Variants in PIAS1 observed in about 807,000 individuals in gnomAD.
PIAS1 encodes protein inhibitor of activated STAT 1.
PIAS1 carries 6 observed loss-of-function variants against 71.3 expected under a neutral mutation model. The observed-to-expected ratio is 0.08, with a 90% confidence interval of 0.05 to 0.17. The LOEUF (loss-of-function observed/expected upper bound fraction) is 0.17, where lower values mean the gene tolerates loss of function less well. PIAS1 is among the 10% of genes least tolerant of loss of function. The pLI is 1.00. For synonymous variants in PIAS1, 303 were observed against 292.9 expected, an observed-to-expected ratio of 1.03 and a Z score of -0.35; for missense variants, 555 against 793.6, an observed-to-expected ratio of 0.70 and a Z score of 3.61.
At chr15:68,145,970 A>T in intron 5 of PIAS1, 64 bp downstream of exon 5, 1 of 935,636 alleles carries the variant, frequency 1.1e-6, no homozygotes, top group Non-Finnish European at 1.8e-6. Context: ...AGTCATCACA[A>T]CTGTTGTTAA....
Position 68,139,714 on chromosome 15 carries a change from T to A in PIAS1, c.470-2232T>A, listed in dbSNP as rs1206480978. Among the ~76,000 whole-genome samples the A allele has an allele frequency of 1.8e-4, 28 of 152,230 alleles. 1 individual carries two copies. ...ATTTTATATAACATTTTAGTTTTTT[T>A]ATAAATTAGATTTCAGGTTTTATGT... On this transcript the variant is annotated intron_variant, in intron 2 of 13. Transcript: ENST00000249636.
At chr15:68,061,708 A>G (rs1444670888) in intron 1 of PIAS1, among the ~76,000 whole-genome samples, 1 of 152,190 alleles carries the variant, frequency 6.6e-6, no homozygotes, top group African/African-American at 2.4e-5. Context: ...TAATTTCACC[A>G]AAACACTCCT....
At chr15:68,077,199 C>T (rs927941851) in intron 1 of PIAS1, among the ~76,000 whole-genome samples, 2 of 152,162 alleles carry the variant, frequency 1.3e-5, no homozygotes, top group African/African-American at 4.8e-5. Context: ...CCATACATCC[C>T]CTCTTGTCCA....
intron 7 of PIAS1, among the ~76,000 whole-genome samples, chr15:68,162,103 A>G (rs915749154): frequency 2.0e-5 from 3 of 151,944 alleles, no homozygotes; most frequent in African/African-American, 4.8e-5. Context: ...GTGAGGTACT[A>G]TTATTGTTCC....
chr15:68,095,309 C>T (rs2092364907), intron 2 of PIAS1, among the ~76,000 whole-genome samples: 1 of 152,010 alleles, frequency 6.6e-6, no homozygotes, highest in African/African-American at 2.4e-5. Flanking sequence ...GTGCTTCGCT[C>T]AGCCTCCTGT....
In PIAS1 at chr15:68,186,055, C is replaced by A. The variant is rs1432513447; in HGVS notation, c.1663-1487C>A. ...ATGTTTATGGTACATTATCTACTTA[C>A]AAGCAAACCTATGATAAAAAAGAAA... On this transcript the variant is annotated intron_variant, in intron 13 of 13. Coordinates refer to ENST00000249636, the MANE Select transcript of PIAS1 (RefSeq NM_016166.3). This position sits in a 1 kb window ranked among gnomAD's most constrained non-coding sequence, Gnocchi z 4.4. Among the ~76,000 whole-genome samples the A allele has an allele frequency of 6.6e-6, 1 of 152,172 alleles. No individual in the cohort carries two copies. Among genetic ancestry groups the A allele is most frequent in the Non-Finnish European group, 1.5e-5 (1 of 68,028 alleles).
Position 68,193,291 on chromosome 15 carries a change from G to A in PIAS1, c.*5456G>A, listed in dbSNP as rs2093128780. The A allele has an allele frequency of 6.6e-6, 1 of 152,244 alleles. No individual in the cohort carries two copies. The highest frequency in any genetic ancestry group is 2.4e-5 in the African/African-American group (1 of 41,422). The allele number at this position is 152,244 out of a possible 1,614,324, so 9.4% of individuals were successfully genotyped here. ...CTCACATCTGGTTTCCTTTGGTGTG[G>A]GGTGTAAAGTAGATCGCTCTTCCTG... On this transcript the variant is annotated 3_prime_UTR_variant, in exon 14 of 14. Transcript: ENST00000249636.
At position 68,191,838 on chromosome 15, in the gene PIAS1, T is replaced by TCAAA. The variant is rs2093121748; in HGVS notation, c.*4006_*4009dup. On this transcript the variant is annotated 3_prime_UTR_variant, in exon 14 of 14. Coordinates refer to ENST00000249636, the MANE Select transcript of PIAS1 (RefSeq NM_016166.3). The stretch of plus-strand genomic sequence containing the variant: ...GCCCTTCCTCGGGTAGAGGTTTGAA[T>TCAAA]CAAACACTTAATAGGATCTTAGACT... 1 of 152,146 alleles carries TCAAA rather than the reference T, an allele frequency of 6.6e-6. No homozygotes were observed. The highest frequency in any genetic ancestry group is 6.5e-5 in the Admixed American group (1 of 15,268). 9.4% of individuals were successfully genotyped at this position (152,146 alleles called of 1,614,324 possible). A position where few individuals can be genotyped will look rare whatever the true frequency, so the allele number is the denominator to read the frequency against.
intron 8 of PIAS1, among the ~76,000 whole-genome samples, chr15:68,166,746 A>C (rs937595361): frequency 6.6e-5 from 10 of 152,146 alleles, no homozygotes; most frequent in Non-Finnish European, 1.3e-4. Context: ...TTATTTGTGG[A>C]ACTGTGTTTC....
chr15:68,165,231 C>T (rs1170464492), intron 8 of PIAS1, among the ~76,000 whole-genome samples: 2 of 152,146 alleles, frequency 1.3e-5, no homozygotes, highest in African/African-American at 4.8e-5. Flanking sequence ...AGGCGATTCT[C>T]CTGCCTCAGC....
rs906480544 is a variant in PIAS1 at position 68,054,576 on chromosome 15, T to C, written c.24+226T>C. On this transcript the variant is annotated intron_variant, in intron 1 of 13. Transcript: ENST00000249636. This position sits in a 1 kb window ranked among gnomAD's most constrained non-coding sequence, Gnocchi z 4.6. ...CTGACGGGTCGTCCCCGGCGTGTTA[T>C]TGTTGTGGGCGCCTCTGGCGGGGGT... 2 of 470,326 alleles carry C rather than the reference T, an allele frequency of 4.3e-6. No individual in the cohort carries two copies. Among genetic ancestry groups the C allele is most frequent in the Non-Finnish European group, 7.5e-6 (2 of 265,992 alleles). 29.1% of individuals were successfully genotyped at this position (470,326 alleles called of 1,614,324 possible).
chr15:68,094,758 C>T (rs1365816239), intron 2 of PIAS1, among the ~76,000 whole-genome samples: 7 of 152,186 alleles, frequency 4.6e-5, no homozygotes, highest in African/African-American at 9.7e-5. Context: ...CTCCTCTATA[C>T]TTGAATTTTG....
rs185532769 is a variant in PIAS1 at position 68,151,119 on chromosome 15, C to A, written c.829-2471C>A. ...TTGGAATTAGTATTTGAAGGATTAG[C>A]AGGAACAATAAAATACTGTCTACCT... On this transcript the variant is annotated intron_variant, in intron 6 of 13. Coordinates refer to ENST00000249636, the MANE Select transcript of PIAS1 (RefSeq NM_016166.3). 1.2e-3 allele frequency among the ~76,000 whole-genome samples: 186 copies of A among 151,834 alleles called. 1 individual carries two copies. Among genetic ancestry groups the A allele is most frequent in the African/African-American group, 4.3e-3 (180 of 41,428 alleles).
At position 68,132,314 on chromosome 15, in the gene PIAS1, T is replaced by C. The variant is rs562608107; in HGVS notation, c.470-9632T>C. Among the ~76,000 whole-genome samples the C allele has an allele frequency of 1.8e-4, 28 of 151,396 alleles. No homozygotes were observed. In the South Asian group the frequency reaches 5.7e-3, roughly 31 times the overall value. On this transcript the variant is annotated intron_variant, in intron 2 of 13. Coordinates refer to ENST00000249636, the MANE Select transcript of PIAS1 (RefSeq NM_016166.3). ...TAACACGGTGATACTCCGTCTCTAC[T>C]AAAAATACAAAAAATCAGGGCGTGG...
chr15:68,179,414 G>A (rs1323429102), intron 11 of PIAS1, among the ~76,000 whole-genome samples: 2 of 152,000 alleles, frequency 1.3e-5, no homozygotes, highest in Admixed American at 6.6e-5. Flanking sequence ...AGATATAAGA[G>A]GTTTAACAAA....
In PIAS1 at chr15:68,174,119, C is replaced by T. The variant is rs2093007640; in HGVS notation, c.1169+227C>T. On this transcript the variant is annotated intron_variant, in intron 9 of 13. Transcript: ENST00000249636. This position sits in a 1 kb window ranked among gnomAD's most constrained non-coding sequence, Gnocchi z 4.0. ...AAAATGCGTGTGTTACTGTCAGTGCCTCCTGGCATTTGTCGTTGAAAGCAC... is the reference window on the plus strand; with the variant it reads ...AAAATGCGTGTGTTACTGTCAGTGCTTCCTGGCATTTGTCGTTGAAAGCAC... Among the ~76,000 whole-genome samples, 1 of 152,154 alleles carries T rather than the reference C, an allele frequency of 6.6e-6. No individual in the cohort carries two copies. The highest frequency in any genetic ancestry group is 1.5e-5 in the Non-Finnish European group (1 of 68,028).
At chr15:68,057,762 G>A (rs1344460546) in intron 1 of PIAS1, among the ~76,000 whole-genome samples, 1 of 152,010 alleles carries the variant, frequency 6.6e-6, no homozygotes, top group African/African-American at 2.4e-5. Flanking sequence ...ACATTTAGAT[G>A]GCTTTTGTTT....
chr15:68,123,023 G>A (rs1304008788), intron 2 of PIAS1, among the ~76,000 whole-genome samples: 1 of 151,242 alleles, frequency 6.6e-6, no homozygotes, highest in Admixed American at 6.6e-5. Flanking sequence ...AAATCTCAGA[G>A]TGTTATACAT....
Position 68,147,849 on chromosome 15 carries a change from T to C in PIAS1, c.828+1149T>C, listed in dbSNP as rs117984835. On this transcript the variant is annotated intron_variant, in intron 6 of 13. Coordinates refer to ENST00000249636, the MANE Select transcript of PIAS1 (RefSeq NM_016166.3). ...CCACCATTGTTATATATTTAACTTT[T>C]ACATATCCTGAGTGTGTTTCTGATC... is the stretch of plus-strand genomic sequence containing the variant. Among the ~76,000 whole-genome samples the C allele has an allele frequency of 2.6e-4, 39 of 152,342 alleles. 1 individual carries two copies. In the East Asian group the frequency reaches 3.1e-3, roughly 12 times the overall value.
Sources: allele counts gnomAD v4.1 joint callset (sites outside exome capture counted in the v4.1 genomes callset), GRCh38; gene constraint gnomAD v4.1.1; non-coding constraint Gnocchi (gnomAD v3.1); transcripts MANE v1.5; gene names NCBI Gene and HGNC (gene_info 2026-07-23, HGNC 2026-07-21).